Variants in SPACA9 observed in about 807,000 individuals in gnomAD.
SPACA9 encodes the protein sperm acrosome-associated protein 9.
A neutral mutation model predicts 12.5 loss-of-function variants in SPACA9; 14 were observed. That is an observed-to-expected ratio of 1.12 (90% CI 0.74 to 1.75). The LOEUF (loss-of-function observed/expected upper bound fraction) is 1.75. Ranked by LOEUF, SPACA9 falls within the 40% of genes most tolerant of loss-of-function variation. The pLI, the probability that SPACA9 is intolerant of heterozygous loss-of-function variation, is 0.00. For synonymous variants in SPACA9, 111 were observed against 114.1 expected, an observed-to-expected ratio of 0.97 and a Z score of 0.17; for missense variants, 292 against 291.9, an observed-to-expected ratio of 1.00 and a Z score of 0.00.
At chr9:132,890,075 C>G (rs950119535), downstream of SPACA9, 6 of 1,246,230 alleles carry the variant, frequency 4.8e-6, no homozygotes, top group African/African-American at 1.5e-5. Context: ...TGAAAGAAAA[C>G]CTACATCTCC....
At chr9:132,884,718 G>A (rs1844517128) in intron 2 of SPACA9, among the ~76,000 whole-genome samples, 2 of 100,532 alleles carry the variant, frequency 2.0e-5, no homozygotes, top group African/African-American at 6.8e-5. Context: ...TTGTGGAAGG[G>A]TAACTGCCCC....
chr9:132,883,048 T>C (rs1844468444), intron 1 of SPACA9, among the ~76,000 whole-genome samples: 1 of 152,088 alleles, frequency 6.6e-6, no homozygotes, highest in African/African-American at 2.4e-5. Flanking sequence ...AGCAAAACTG[T>C]GATGTCATGG....
At position 132,887,231 on chromosome 9, in the gene SPACA9, T is replaced by G; in HGVS notation, c.145-138T>G. 1 of 724,296 alleles carries G rather than the reference T, an allele frequency of 1.4e-6. No homozygotes were observed. The highest frequency in any genetic ancestry group is 2.4e-6 in the Non-Finnish European group (1 of 415,112). The allele number at this position is 724,296 out of a possible 1,614,324, so 44.9% of individuals were successfully genotyped here. ...TAGAGTGGTCTGTACCTTAAAATGC[T>G]TAAGCGTTACTTGCGTCTCCCCCAT... is the stretch of plus-strand genomic sequence containing the variant. On this transcript the variant is annotated intron_variant, in intron 2 of 3. Transcript: ENST00000356311. The surrounding 1 kb of genome is among the most constrained non-coding windows in gnomAD (Gnocchi z 5.4).
chr9:132,880,676 G>A (rs945905612), intron 1 of SPACA9, among the ~76,000 whole-genome samples: 2 of 152,098 alleles, frequency 1.3e-5, no homozygotes, highest in African/African-American at 2.4e-5. Flanking sequence ...TGTTTTTCAC[G>A]TTTTAATGCA....
chr9:132,882,523 C>T (rs1379843956), intron 1 of SPACA9, among the ~76,000 whole-genome samples: 4 of 148,670 alleles, frequency 2.7e-5, no homozygotes, highest in African/African-American at 7.5e-5. Flanking sequence ...TGCAGTACTG[C>T]GATCATGGCT....
intron 1 of SPACA9, among the ~76,000 whole-genome samples, chr9:132,879,288 A>T (rs1248918554): frequency 6.6e-6 from 1 of 152,222 alleles, no homozygotes; most frequent in Non-Finnish European, 1.5e-5. Context: ...CGTTAATCGT[A>T]GGAGCTGTAA....
rs1844656501 is a variant in SPACA9 at position 132,888,934 on chromosome 9, A to G, written c.*323A>G. 3.3e-6 allele frequency: 2 copies of G among 604,664 alleles called. No individual in the cohort carries two copies. The highest frequency in any genetic ancestry group is 5.0e-5 in the Admixed American group (1 of 20,132). The allele number at this position is 604,664 out of a possible 1,614,324, so 37.5% of individuals were successfully genotyped here. A position where few individuals can be genotyped will look rare whatever the true frequency, so the allele number is the denominator to read the frequency against. On this transcript the variant is annotated 3_prime_UTR_variant, in exon 4 of 4. Transcript: ENST00000356311. This position sits in a 1 kb window ranked among gnomAD's most constrained non-coding sequence, Gnocchi z 5.0. ...AGGCGCCCACCACCTCGCCTGGCTA[A>G]TTTTTTGTATTTTTAGTAGAGACAG...
chr9:132,888,287 C>A lies in SPACA9; in HGVS notation c.348-3C>A. 6.2e-7 allele frequency: 1 copy of A among 1,602,918 alleles called. No homozygotes were observed. The highest frequency in any genetic ancestry group is 8.5e-7 in the Non-Finnish European group (1 of 1,173,344). ...GTTCACCTGGCCCCCTGCCGTCCTGCAGATACCCTCATGATGTGGTGAACC... is the reference window on the plus strand; with the variant it reads ...GTTCACCTGGCCCCCTGCCGTCCTGAAGATACCCTCATGATGTGGTGAACC... On this transcript the variant is annotated splice_region_variant and splice_polypyrimidine_tract_variant and intron_variant, in intron 3 of 3. Transcript: ENST00000356311. This position sits in a 1 kb window ranked among gnomAD's most constrained non-coding sequence, Gnocchi z 5.0.
intron 2 of SPACA9, among the ~76,000 whole-genome samples, chr9:132,884,992 AATCCC>A (rs1844525684): frequency 6.6e-6 from 1 of 152,076 alleles, no homozygotes; most frequent in South Asian, 2.1e-4. Flanking sequence ...GCGCATCTGT[AATCCC>A]AGCTACTCGG....
chr9:132,888,794 G>A lies in SPACA9; in HGVS notation c.*183G>A. 3 of 1,352,068 alleles carry A rather than the reference G, an allele frequency of 2.2e-6. No individual in the cohort carries two copies. The highest frequency in any genetic ancestry group is 2.9e-6 in the Non-Finnish European group (3 of 1,045,468). The allele number at this position is 1,352,068 out of a possible 1,614,324, so 83.8% of individuals were successfully genotyped here. A position where few individuals can be genotyped will look rare whatever the true frequency, so the allele number is the denominator to read the frequency against. On this transcript the variant is annotated 3_prime_UTR_variant, in exon 4 of 4. Transcript: ENST00000356311. This position sits in a 1 kb window ranked among gnomAD's most constrained non-coding sequence, Gnocchi z 5.0. ...TAACTTCTTTTTTTTTTGAGACGGA[G>A]TCTCGCTCTGTCGCCCAGGCTGGAG... is the stretch of plus-strand genomic sequence containing the variant.
chr9:132,882,010 C>A (rs973641875), intron 1 of SPACA9, among the ~76,000 whole-genome samples: 3 of 152,202 alleles, frequency 2.0e-5, no homozygotes, highest in Non-Finnish European at 4.4e-5. Flanking sequence ...AAGGATATGG[C>A]AGGTGTCAAT....
rs1258904769 is a variant in SPACA9 at position 132,878,931 on chromosome 9, C to T, written c.-121C>T. ...CCAAGTCCTGGAACGGGCCTCCCCA[C>T]CCTCCGGGGCACCGACACTCACGGA... On this transcript the variant is annotated 5_prime_UTR_variant, in exon 1 of 4. Transcript: ENST00000356311. This position sits in a 1 kb window ranked among gnomAD's most constrained non-coding sequence, Gnocchi z 4.7. 4 of 250,466 alleles carry T rather than the reference C, an allele frequency of 1.6e-5. No homozygotes were observed. The highest frequency in any genetic ancestry group is 2.5e-5 in the Non-Finnish European group (4 of 158,018). 15.5% of individuals were successfully genotyped at this position (250,466 alleles called of 1,614,324 possible). A position where few individuals can be genotyped will look rare whatever the true frequency, so the allele number is the denominator to read the frequency against.
chr9:132,880,492 C>G (rs184122237), intron 1 of SPACA9, among the ~76,000 whole-genome samples: 1 of 152,094 alleles, frequency 6.6e-6, no homozygotes, highest in Non-Finnish European at 1.5e-5. Context: ...AAAGCCAGGC[C>G]GAAAGGGCAC....
At chr9:132,885,512 C>CAAA (rs56183351) in intron 2 of SPACA9, among the ~76,000 whole-genome samples, 28 of 65,424 alleles carry the variant, frequency 4.3e-4, no homozygotes, top group Middle Eastern at 9.3e-3. Context: ...GACCCTGTCT[C>CAAA]AAAAAAAAAA....
chr9:132,879,583 G>C (rs1006673465), intron 1 of SPACA9, among the ~76,000 whole-genome samples: 1 of 152,182 alleles, frequency 6.6e-6, no homozygotes, highest in Non-Finnish European at 1.5e-5. Context: ...TCATTTAATC[G>C]TTCCAACAAT....
rs1029324195 is a variant in SPACA9 at position 132,887,113 on chromosome 9, C to T, written c.145-256C>T. 6.6e-6 allele frequency among the ~76,000 whole-genome samples: 1 copy of T among 151,856 alleles called. No homozygotes were observed. On this transcript the variant is annotated intron_variant, in intron 2 of 3. Coordinates refer to ENST00000356311, the MANE Select transcript of SPACA9 (RefSeq NM_001316897.2). The surrounding 1 kb of genome is among the most constrained non-coding windows in gnomAD (Gnocchi z 5.4). ...ACACGTGTGAGCCACTGTGCCCAAC[C>T]GATCCATTAATTTCATATCATATCT...
At chr9:132,883,444 C>G (rs1844477196) in intron 1 of SPACA9, among the ~76,000 whole-genome samples, 1 of 152,242 alleles carries the variant, frequency 6.6e-6, no homozygotes, top group Admixed American at 6.5e-5. Context: ...GTTTTATATC[C>G]TGTGGCATAT....
chr9:132,881,980 C>A (rs1844440155), intron 1 of SPACA9, among the ~76,000 whole-genome samples: 2 of 152,198 alleles, frequency 1.3e-5, no homozygotes, highest in Admixed American at 1.3e-4. Flanking sequence ...CATGTCTGCT[C>A]CATGTGGCAG....
chr9:132,882,301 C>T (rs1295703030), intron 1 of SPACA9, among the ~76,000 whole-genome samples: 4 of 152,176 alleles, frequency 2.6e-5, no homozygotes, highest in Non-Finnish European at 1.5e-5. Flanking sequence ...GGCTGGGCTC[C>T]ATCTTGCTAA....
Sources: gnomAD v4.1 joint callset for allele counts (sites outside exome capture counted in the v4.1 genomes callset) on GRCh38, gnomAD v4.1.1 for gene constraint, Gnocchi (gnomAD v3.1) non-coding constraint, MANE v1.5 for transcripts, NCBI Gene and HGNC (gene_info 2026-07-23, HGNC 2026-07-21) for gene names.